ANO10: variants seen among roughly 807,000 people sequenced by gnomAD.
ANO10 encodes the protein anoctamin 10, also known as anoctamin-10.
Under a neutral mutation model 74.7 loss-of-function variants are expected in ANO10, and 77 were observed. That is an observed-to-expected ratio of 1.03 (90% CI 0.86 to 1.25). ANO10 has a LOEUF of 1.25. ANO10 is among the 50% of genes most tolerant of loss of function. ANO10 has a pLI of 0.00. For synonymous variants in ANO10, 279 were observed against 284.9 expected (o/e 0.98, Z 0.21); for missense variants, 721 against 778.1 (o/e 0.93, Z 0.87).
intron 12 of ANO10, among the ~76,000 whole-genome samples, chr3:43,410,023 G>A (rs1413907990): frequency 6.6e-6 from 1 of 152,054 alleles, no homozygotes; most frequent in East Asian, 1.9e-4. Context: ...GAGAAGTTGG[G>A]ACTGTTTCTT....
chr3:43,485,189 G>A, intron 11 of ANO10: 4 of 705,978 alleles, frequency 5.7e-6, no homozygotes, highest in Non-Finnish European at 1.0e-5. Flanking sequence ...CGCCTGCGGT[G>A]GTCAGGTACC....
At chr3:43,562,750 G>GT (rs2149350975) in intron 8 of ANO10, among the ~76,000 whole-genome samples, 1 of 151,654 alleles carries the variant, frequency 6.6e-6, no homozygotes, top group African/African-American at 2.4e-5. Flanking sequence ...GGAAAACCAG[G>GT]TATCTATATG....
intron 11 of ANO10, among the ~76,000 whole-genome samples, chr3:43,534,403 G>A (rs1319857432): frequency 6.6e-6 from 1 of 152,170 alleles, no homozygotes; most frequent in Non-Finnish European, 1.5e-5. Flanking sequence ...ATGGCCATCT[G>A]AATGCCTTCT....
intron 1 of ANO10, among the ~76,000 whole-genome samples, chr3:43,650,317 AGG>A (rs2083773168): frequency 6.6e-6 from 1 of 152,170 alleles, no homozygotes; most frequent in Non-Finnish European, 1.5e-5. Flanking sequence ...TTCTCTTGGT[AGG>A]TAAAAGCATT....
At chr3:43,609,892 G>A (rs2082729635) in intron 1 of ANO10, among the ~76,000 whole-genome samples, 1 of 152,140 alleles carries the variant, frequency 6.6e-6, no homozygotes, top group Non-Finnish European at 1.5e-5. Context: ...AGTTGCTCTG[G>A]GTGAGTCAGT....
intron 11 of ANO10, among the ~76,000 whole-genome samples, chr3:43,549,147 G>C (rs1337609924): frequency 6.6e-6 from 1 of 151,590 alleles, no homozygotes; most frequent in African/African-American, 2.4e-5. Context: ...CTGTTGCCCA[G>C]GCTGGAGTGC....
intron 12 of ANO10, chr3:43,424,485 T>C (rs890317192): frequency 2.0e-5 from 3 of 152,230 alleles, no homozygotes; most frequent in Non-Finnish European, 2.9e-5. Context: ...GCAGATAACA[T>C]GTAGAATCTA....
chr3:43,619,482 A>G (rs1165559895), intron 1 of ANO10, among the ~76,000 whole-genome samples: 1 of 152,186 alleles, frequency 6.6e-6, no homozygotes, highest in Non-Finnish European at 1.5e-5. Context: ...TGAAGGGCAT[A>G]AGGAAATTTG....
intron 11 of ANO10, among the ~76,000 whole-genome samples, chr3:43,488,536 A>G (rs2076590400): frequency 6.6e-6 from 1 of 152,226 alleles, no homozygotes; most frequent in South Asian, 2.1e-4. Context: ...TCTCAAAAGA[A>G]GACATTTATG....
chr3:43,690,793 C>T (rs962735862), intron 1 of ANO10: 7 of 463,148 alleles, frequency 1.5e-5, no homozygotes, highest in Non-Finnish European at 2.6e-5. Context: ...CTAGTGCATG[C>T]TGGCTGGGGA....
rs567181576 is a variant in ANO10, at chr3:43,647,962, T to A, written c.-11-42099A>T. On this transcript the variant is annotated intron_variant, in intron 1 of 3. Coordinates refer to the ANO10 transcript ENST00000413397. The stretch of plus-strand genomic sequence containing the variant: ...CTACTATTACCATTAAAGGCCCTCA[T>A]CTCTCTACTTTGGCTGTCGTGCCCA... Among the ~76,000 whole-genome samples, 74 of 152,266 alleles carry A rather than the reference T, an allele frequency of 4.9e-4. 1 individual carries two copies. The highest frequency in any genetic ancestry group is 1.7e-3 in the African/African-American group (71 of 41,562).
At chr3:43,520,480 T>C (rs529202230) in intron 11 of ANO10, among the ~76,000 whole-genome samples, 1 of 152,250 alleles carries the variant, frequency 6.6e-6, no homozygotes, top group East Asian at 1.9e-4. Flanking sequence ...CTTTTACATG[T>C]GGATATCCAG....
rs78849024 is a variant in ANO10, at chr3:43,590,712, T to C, written c.472+7820A>G. Among the ~76,000 whole-genome samples the C allele has an allele frequency of 9.4e-3, 1,432 of 152,344 alleles. 21 individuals are homozygous for C. Among genetic ancestry groups the C allele is most frequent in the African/African-American group, 0.031 (1,306 of 41,584 alleles). ...CATAACCAAACAACATGGGTTAACC[T>C]AGACTGGATCTCAGTTTGAGCAAAC... On this transcript the variant is annotated intron_variant, in intron 4 of 12. Transcript: ENST00000292246.
At chr3:43,587,714 T>G (rs2081542994) in intron 4 of ANO10, among the ~76,000 whole-genome samples, 1 of 152,086 alleles carries the variant, frequency 6.6e-6, no homozygotes, top group Non-Finnish European at 1.5e-5. Context: ...TGAATCAAGA[T>G]CCGACATCCC....
chr3:43,428,745 TC>T (rs1026762394), intron 12 of ANO10, among the ~76,000 whole-genome samples: 3 of 114,382 alleles, frequency 2.6e-5, no homozygotes, highest in Admixed American at 1.2e-4. Context: ...AGGTTGAGCA[TC>T]CCTAATCTGA....
intron 4 of ANO10, among the ~76,000 whole-genome samples, chr3:43,590,462 C>A (rs1374100305): frequency 2.6e-5 from 4 of 152,062 alleles, no homozygotes; most frequent in African/African-American, 7.2e-5. Flanking sequence ...TCTCAGAAGG[C>A]CTTCTATTCC....
chr3:43,417,799 T>C (rs2092763979), intron 12 of ANO10, among the ~76,000 whole-genome samples: 1 of 152,232 alleles, frequency 6.6e-6, no homozygotes, highest in African/African-American at 2.4e-5. Context: ...TAAATAAATG[T>C]TAAATATTAT....
intron 4 of ANO10, among the ~76,000 whole-genome samples, chr3:43,591,828 CG>C (rs2149449802): frequency 6.6e-6 from 1 of 152,156 alleles, no homozygotes; most frequent in East Asian, 1.9e-4. Flanking sequence ...CACAAGGGGT[CG>C]GGGAATTCCC....
At chr3:43,625,041 T>C (rs1278839251), upstream of ANO10, among the ~76,000 whole-genome samples, 1 of 152,230 alleles carries the variant, frequency 6.6e-6, no homozygotes, top group African/African-American at 2.4e-5. Context: ...ATTTCCTCCA[T>C]GTTCTCTCTG....
Sources: gnomAD v4.1 joint callset for allele counts (sites outside exome capture counted in the v4.1 genomes callset) on GRCh38, gnomAD v4.1.1 for gene constraint, MANE v1.5 for transcripts, NCBI Gene and HGNC (gene_info 2026-07-23, HGNC 2026-07-21) for gene names.